The following OGG1 variants were observed in gnomAD, a reference collection of about 807,000 sequenced individuals.
OGG1 encodes N-glycosylase/DNA lyase.
In OGG1, 35 loss-of-function variants were observed where a neutral mutation model predicts 42.3. The ratio of observed to expected loss-of-function variants is 0.83; its 90% confidence interval spans 0.63 to 1.10. OGG1 has a LOEUF of 1.10. Among genes scored for constraint, OGG1 ranks in the 50% least tolerant of loss-of-function variants. The probability of loss-of-function intolerance (pLI) is 0.00; values close to 1 mark genes in which losing one functional copy is unlikely to be tolerated. For missense variants in OGG1, 484 were observed against 446.7 expected (o/e 1.08, Z -0.75); for synonymous variants, 189 against 179.0 (o/e 1.06, Z -0.44).
downstream of OGG1, chr3:9,790,079 CCT>C (rs1354842203): frequency 2.5e-5 from 31 of 1,262,006 alleles, no homozygotes; most frequent in Non-Finnish European, 3.3e-5. Flanking sequence ...CTTTCCCCAT[CCT>C]CTTTTTACCT....
At chr3:9,786,666 G>C (rs949504361) in intron 3 of OGG1, among the ~76,000 whole-genome samples, 1 of 152,188 alleles carries the variant, frequency 6.6e-6, no homozygotes, top group African/African-American at 2.4e-5. Context: ...CTTAGCAAAA[G>C]TAATTGTGGA....
intron 2 of OGG1, among the ~76,000 whole-genome samples, chr3:9,778,261 G>C (rs1180493203): frequency 1.3e-5 from 2 of 152,196 alleles, no homozygotes; most frequent in Non-Finnish European, 2.9e-5. Flanking sequence ...TTTTCTCTCT[G>C]AGAAGGCTGT....
chr3:9,780,123 AC>A (rs1434298501), intron 2 of OGG1: 3 of 440,554 alleles, frequency 6.8e-6, no homozygotes, highest in African/African-American at 6.0e-5. Context: ...GTCCCCTCCA[AC>A]CCCATCTCGG....
At chr3:9,788,875 G>T (rs1274792928), downstream of OGG1, among the ~76,000 whole-genome samples, 1 of 142,688 alleles carries the variant, frequency 7.0e-6, no homozygotes, top group Non-Finnish European at 1.5e-5. Context: ...TTGCTCTGTT[G>T]CCCAGGCTGG....
At chr3:9,786,920 A>G (rs1345926894) in intron 3 of OGG1, 17 of 1,282,110 alleles carry the variant, frequency 1.3e-5, no homozygotes, top group Non-Finnish European at 1.8e-5. Context: ...AACCTAATAA[A>G]TGTATGATAA....
At chr3:9,776,994 G>A (rs2078373523) in intron 2 of OGG1, among the ~76,000 whole-genome samples, 1 of 152,100 alleles carries the variant, frequency 6.6e-6, no homozygotes, top group South Asian at 2.1e-4. Context: ...TTTACTCCCC[G>A]ACCACATTTC....
rs778071389 is a variant in OGG1 at position 9,757,339 on chromosome 3, G to A, written c.*189G>A. 2.2e-5 allele frequency: 36 copies of A among 1,614,016 alleles called. No individual in the cohort carries two copies. The highest frequency in any genetic ancestry group is 8.9e-5 in the East Asian group (4 of 44,906). On this transcript the variant is annotated 3_prime_UTR_variant, in exon 7 of 7. Coordinates refer to ENST00000344629, the MANE Select transcript of OGG1 (RefSeq NM_002542.6). The surrounding 1 kb of genome is among the most constrained non-coding windows in gnomAD (Gnocchi z 4.5). Reference sequence around the variant, plus strand: ...GGTGGGGGATATTGAGGGAGACAGCGCTAAGGATGGTTTTATCTTCCCTTT... The same window carrying A: ...GGTGGGGGATATTGAGGGAGACAGCACTAAGGATGGTTTTATCTTCCCTTT...
At chr3:9,764,329 C>T (rs2125587669) in intron 7 of OGG1, among the ~76,000 whole-genome samples, 1 of 152,060 alleles carries the variant, frequency 6.6e-6, no homozygotes, top group South Asian at 2.1e-4. Flanking sequence ...GAGTTTTACT[C>T]TTGTTGCTCA....
chr3:9,772,066 C>T (rs1329728397), intron 2 of OGG1, among the ~76,000 whole-genome samples: 1 of 152,068 alleles, frequency 6.6e-6, no homozygotes, highest in African/African-American at 2.4e-5. Flanking sequence ...GATCCACCTG[C>T]CTCAGCCTCC....
downstream of OGG1, chr3:9,766,784 C>A: frequency 3.9e-6 from 1 of 256,152 alleles, no homozygotes; most frequent in Non-Finnish European, 6.5e-6. Context: ...TAATTAGTTA[C>A]TGTAGTAACC....
At chr3:9,787,452 A>C in intron 3 of OGG1, 1 of 1,419,098 alleles carries the variant, frequency 7.0e-7, no homozygotes, top group Non-Finnish European at 9.4e-7. Flanking sequence ...GTCCAAGGCC[A>C]AGCCCAGTGT....
chr3:9,759,624 T>C, downstream of OGG1: 1 of 1,614,094 alleles, frequency 6.2e-7, no homozygotes, highest in Non-Finnish European at 8.5e-7. Flanking sequence ...GAAGCAGACC[T>C]GAGGGCCCCA....
intron 2 of OGG1, among the ~76,000 whole-genome samples, chr3:9,775,133 G>A (rs1461083488): frequency 6.6e-6 from 1 of 151,952 alleles, no homozygotes; most frequent in Non-Finnish European, 1.5e-5. Flanking sequence ...CCAGCTACTC[G>A]GGAGGTTGAG....
intron 7 of OGG1, among the ~76,000 whole-genome samples, chr3:9,763,648 C>T (rs116618192): frequency 0.041 from 6,238 of 152,180 alleles, 154 homozygotes; most frequent in Middle Eastern, 0.068. Flanking sequence ...GGGTGCAGAT[C>T]TTTTCACCAG....
chr3:9,758,057 CTATA>C, downstream of OGG1: 1 of 622,418 alleles, frequency 1.6e-6, no homozygotes, highest in Non-Finnish European at 2.6e-6. Context: ...GTATGTGTAT[CTATA>C]TATATAAATA....
chr3:9,777,810 C>T (rs56388532), intron 2 of OGG1, among the ~76,000 whole-genome samples: 2 of 152,176 alleles, frequency 1.3e-5, no homozygotes, highest in East Asian at 3.9e-4. Context: ...ACCAACAACG[C>T]CCACCATACT....
intron 7 of OGG1, chr3:9,763,019 C>T: frequency 6.2e-6 from 10 of 1,614,138 alleles, no homozygotes; most frequent in Non-Finnish European, 8.5e-6. Context: ...AGCCTTTTTC[C>T]ACAATACGGT....
intron 3 of OGG1, among the ~76,000 whole-genome samples, chr3:9,752,349 A>G (rs889134669): frequency 4.6e-5 from 7 of 152,034 alleles, no homozygotes; most frequent in African/African-American, 1.7e-4. Flanking sequence ...TACCTATGCT[A>G]TTATTGGAGT....
intron 2 of OGG1, chr3:9,780,555 G>A (rs1238649456): frequency 6.3e-7 from 1 of 1,598,926 alleles, no homozygotes; most frequent in African/African-American, 1.3e-5. Flanking sequence ...CCAGCCTGTG[G>A]GGACCAGCCA....
Sources: gnomAD v4.1 joint callset for allele counts (sites outside exome capture counted in the v4.1 genomes callset) on GRCh38, gnomAD v4.1.1 for gene constraint, Gnocchi (gnomAD v3.1) non-coding constraint, MANE v1.5 for transcripts, NCBI Gene and HGNC (gene_info 2026-07-23, HGNC 2026-07-21) for gene names.